FAM47E: variants seen among roughly 807,000 people sequenced by gnomAD.
The protein encoded by FAM47E is protein FAM47E.
Under a neutral mutation model 41.6 loss-of-function variants are expected in FAM47E, and 32 were observed. The observed-to-expected ratio is 0.77, with a 90% confidence interval of 0.58 to 1.03. The LOEUF (loss-of-function observed/expected upper bound fraction) is 1.03. FAM47E is among the 50% of genes least tolerant of loss of function. The pLI is 0.00. For synonymous variants in FAM47E, 184 were observed against 188.7 expected (o/e 0.98, Z 0.20); for missense variants, 424 against 485.4 (o/e 0.87, Z 1.19).
chr4:76,280,856 TTCTG>T (rs1407748804), intron 7 of FAM47E: 1 of 152,452 alleles, frequency 6.6e-6, no homozygotes, highest in African/African-American at 2.4e-5. Context: ...GGCCAGTGTC[TTCTG>T]TCTTTTTTCC....
At chr4:76,218,753 G>A (rs890007042) in intron 2 of FAM47E, among the ~76,000 whole-genome samples, 4 of 152,130 alleles carry the variant, frequency 2.6e-5, no homozygotes, top group Middle Eastern at 3.2e-3. Flanking sequence ...AAACACAAGC[G>A]TAGTGTTGTC....
intron 2 of FAM47E, among the ~76,000 whole-genome samples, chr4:76,262,535 G>C (rs896633380): frequency 2.0e-5 from 3 of 152,014 alleles, no homozygotes; most frequent in African/African-American, 7.2e-5. Flanking sequence ...GACTTTTATA[G>C]AGCTCTAATT....
chr4:76,214,192 G>A lies in FAM47E; in HGVS notation c.-262G>A, dbSNP rs1733153275. The A allele has an allele frequency of 1.1e-5, 5 of 453,440 alleles. No homozygotes were observed. The Admixed American group carries it at 1.2e-4, about 11-fold the overall frequency. 28.1% of individuals were successfully genotyped at this position (453,440 alleles called of 1,614,324 possible). A position where few individuals can be genotyped will look rare whatever the true frequency, so the allele number is the denominator to read the frequency against. ...GGCTGGGACATTCCCCTGCTCTAGA[G>A]GCGCTCGCAAGTTAGCGGGGACACC... On this transcript the variant is annotated 5_prime_UTR_variant, in exon 1 of 8. Coordinates refer to the FAM47E transcript ENST00000510197.
At chr4:76,279,249 A>C (rs2110028861) in intron 6 of FAM47E, 1 of 152,344 alleles carries the variant, frequency 6.6e-6, no homozygotes, top group East Asian at 1.9e-4. Context: ...ACATAAAGCT[A>C]TTCCAGTTGC....
At chr4:76,244,878 A>T (rs1433959911) in intron 2 of FAM47E, among the ~76,000 whole-genome samples, 5 of 152,188 alleles carry the variant, frequency 3.3e-5, no homozygotes, top group Non-Finnish European at 7.3e-5. Context: ...CAGAATTCTT[A>T]TAAGAGGTAC....
At chr4:76,265,993 T>C (rs1734617838) in intron 3 of FAM47E, among the ~76,000 whole-genome samples, 1 of 152,214 alleles carries the variant, frequency 6.6e-6, no homozygotes, top group African/African-American at 2.4e-5. Context: ...TCTCCACCAC[T>C]CCACTGACCT....
At chr4:76,218,210 G>A (rs541963191) in intron 2 of FAM47E, among the ~76,000 whole-genome samples, 1 of 152,254 alleles carries the variant, frequency 6.6e-6, no homozygotes, top group South Asian at 2.1e-4. Flanking sequence ...TCTTCTTATT[G>A]AAGGTGATCT....
chr4:76,263,462 G>T (rs1734503076), intron 2 of FAM47E, among the ~76,000 whole-genome samples: 1 of 152,058 alleles, frequency 6.6e-6, no homozygotes, highest in Non-Finnish European at 1.5e-5. Context: ...TTGTGATTTT[G>T]AGGATTTTAG....
At chr4:76,242,747 T>A (rs1049598299) in intron 2 of FAM47E, among the ~76,000 whole-genome samples, 16 of 152,326 alleles carry the variant, frequency 1.1e-4, no homozygotes, top group African/African-American at 3.8e-4. Flanking sequence ...ATGTAAAATA[T>A]CTCAGTAATA....
At chr4:76,238,882 G>A (rs1181242788) in intron 2 of FAM47E, among the ~76,000 whole-genome samples, 1 of 152,024 alleles carries the variant, frequency 6.6e-6, no homozygotes, top group Non-Finnish European at 1.5e-5. Context: ...TTTCCATCTT[G>A]CAAAACTGTA....
intron 2 of FAM47E, among the ~76,000 whole-genome samples, chr4:76,227,058 T>C (rs1269171037): frequency 1.3e-5 from 2 of 152,164 alleles, no homozygotes; most frequent in Non-Finnish European, 2.9e-5. Flanking sequence ...ATTTCTTTTC[T>C]TCTGCTGGGT....
At chr4:76,276,775 C>T (rs1380379999) in intron 5 of FAM47E, among the ~76,000 whole-genome samples, 1 of 152,100 alleles carries the variant, frequency 6.6e-6, no homozygotes, top group Non-Finnish European at 1.5e-5. Context: ...TGTGTAGAGG[C>T]ACTGAGGCAG....
At position 76,263,848 on chromosome 4, in the gene FAM47E, G is replaced by A. The variant is rs941099013; in HGVS notation, c.560+5G>A. On this transcript the variant is annotated splice_donor_5th_base_variant and intron_variant, in intron 3 of 7. Transcript: ENST00000424749. Reference sequence around the variant, plus strand: ...TACCCAAGTCTACCTGGGACCGTGAGTATTGTTCTTAACCCTTCGATCATT... The same window carrying A: ...TACCCAAGTCTACCTGGGACCGTGAATATTGTTCTTAACCCTTCGATCATT... 5.2e-6 allele frequency: 8 copies of A among 1,550,950 alleles called. No individual in the cohort carries two copies. In the Admixed American group the frequency reaches 1.4e-4, roughly 27 times the overall value.
At chr4:76,269,898 T>C (rs571216449) in intron 4 of FAM47E, among the ~76,000 whole-genome samples, 8 of 152,320 alleles carry the variant, frequency 5.3e-5, no homozygotes, top group Non-Finnish European at 2.9e-5. Flanking sequence ...TGAGTCTCTG[T>C]AGATGTCTAA....
chr4:76,240,025 G>A (rs559840382), intron 2 of FAM47E, among the ~76,000 whole-genome samples: 2 of 152,136 alleles, frequency 1.3e-5, no homozygotes, highest in East Asian at 1.9e-4. Flanking sequence ...GTGCTAAGAG[G>A]GTTTTTTTCT....
In FAM47E at chr4:76,217,674, A is replaced by C. The variant is rs1002367459; in HGVS notation, c.67A>C (p.Thr23Pro). ...CCATGAGCCAAATAAACCTCTTTTC[A>C]CTACCCAATCTCAGGTATTGTTATA... Residue 23 changes from threonine (T) to proline (P), a missense_variant, in exon 2 of 8, where the codon ACT becomes CCT. Thr to Pro is a conservative substitution (Grantham distance 38). Coordinates refer to the FAM47E transcript ENST00000510197. The C allele has an allele frequency of 6.2e-5, 40 of 646,160 alleles. No homozygotes were observed. The Admixed American group carries it at 8.2e-4, about 13-fold the overall frequency. The allele number at this position is 646,160 out of a possible 1,614,324, so 40.0% of individuals were successfully genotyped here. A position where few individuals can be genotyped will look rare whatever the true frequency, so the allele number is the denominator to read the frequency against.
chr4:76,276,837 CAG>C (rs1285417340), intron 5 of FAM47E, among the ~76,000 whole-genome samples: 1 of 152,200 alleles, frequency 6.6e-6, no homozygotes, highest in Non-Finnish European at 1.5e-5. Flanking sequence ...ATGCTCGGAA[CAG>C]AGAGATCACA....
intron 2 of FAM47E, among the ~76,000 whole-genome samples, chr4:76,257,474 C>T (rs986470644): frequency 3.3e-5 from 5 of 152,178 alleles, no homozygotes; most frequent in African/African-American, 4.8e-5. Flanking sequence ...GTCCCCTTCT[C>T]TCTCAGAGAA....
intron 2 of FAM47E, among the ~76,000 whole-genome samples, chr4:76,235,839 A>T (rs1420894688): frequency 6.6e-6 from 1 of 152,248 alleles, no homozygotes; most frequent in African/African-American, 2.4e-5. Context: ...AGCAGTTTAT[A>T]TGTGATAATC....
Sources: gnomAD v4.1 joint callset for allele counts (sites outside exome capture counted in the v4.1 genomes callset) on GRCh38, gnomAD v4.1.1 for gene constraint, MANE v1.5 for transcripts, NCBI Gene and HGNC (gene_info 2026-07-23, HGNC 2026-07-21) for gene names.